Variants in DCBLD2 observed in about 807,000 individuals in gnomAD.
The protein encoded by DCBLD2 is discoidin, CUB and LCCL domain containing 2.
Under a neutral mutation model 86.8 loss-of-function variants are expected in DCBLD2, and 54 were observed. The observed-to-expected ratio is 0.62, with a 90% CI of 0.50 to 0.78. The LOEUF is 0.78. DCBLD2 is among the 30% of genes least tolerant of loss of function. The probability of loss-of-function intolerance (pLI) is 0.00; values close to 1 mark genes in which losing one functional copy is unlikely to be tolerated. For synonymous variants in DCBLD2, 354 were observed against 341.3 expected (o/e 1.04, Z -0.41); for missense variants, 908 against 954.2 (o/e 0.95, Z 0.64).
intron 12 of DCBLD2, among the ~76,000 whole-genome samples, chr3:98,809,305 C>T (rs1441298142): frequency 6.6e-6 from 1 of 150,592 alleles, no homozygotes; most frequent in Non-Finnish European, 1.5e-5. Context: ...GGCTCAGAGC[C>T]GGACACTGCA....
intron 1 of DCBLD2, among the ~76,000 whole-genome samples, chr3:98,900,045 G>C (rs1943820606): frequency 6.6e-6 from 1 of 152,150 alleles, no homozygotes; most frequent in Non-Finnish European, 1.5e-5. Flanking sequence ...ATATAGAAAC[G>C]TGTCTAGATG....
At chr3:98,887,265 G>A (rs1362248189) in intron 1 of DCBLD2, among the ~76,000 whole-genome samples, 1 of 151,736 alleles carries the variant, frequency 6.6e-6, no homozygotes, top group Admixed American at 6.6e-5. Flanking sequence ...TAATATATCT[G>A]CGAGATCTTA....
At position 98,808,117 on chromosome 3, in the gene DCBLD2, A is replaced by C. The variant is rs758552243; in HGVS notation, c.1634T>G (p.Ile545Ser). ...GTGCCAAGCACACACTAATATGAGA[A>C]TGAGAGTAGTGAGGACCATGACCAG... Reference protein sequence around the residue: ...PVLVMVLTTLILILVCAWHWR... With the variant: ...PVLVMVLTTLSLILVCAWHWR... The change falls in exon 13 of 16, where the codon ATT becomes AGT. Residue 545 changes from isoleucine (I) to serine (S), a missense_variant. Around this residue, in one of 3 missense-constraint regions of DCBLD2, gnomAD observed 606 missense variants for 678.5 expected, o/e 0.89. Coordinates refer to ENST00000326840, the MANE Select transcript of DCBLD2 (RefSeq NM_080927.4). 5.0e-6 allele frequency: 8 copies of C among 1,607,402 alleles called. No homozygotes were observed. In the South Asian group the frequency reaches 7.8e-5, roughly 16 times the overall value.
chr3:98,804,321 A>C lies in DCBLD2; in HGVS notation c.1671-2672T>G, dbSNP rs1041970746. On this transcript the variant is annotated intron_variant, in intron 13 of 15. Transcript: ENST00000326840. ...TTTATCCATTTCTTCTAGATTTTCT[A>C]GTTTATTTGCATAGAGGTGTTTGTA... Among the ~76,000 whole-genome samples the C allele has an allele frequency of 7.9e-5, 12 of 152,252 alleles. 1 individual carries two copies. The highest frequency in any genetic ancestry group is 2.9e-4 in the African/African-American group (12 of 41,550).
intron 3 of DCBLD2, among the ~76,000 whole-genome samples, chr3:98,847,366 G>A (rs1299343692): frequency 6.6e-6 from 1 of 152,180 alleles, no homozygotes; most frequent in Non-Finnish European, 1.5e-5. Flanking sequence ...CACTGACTAA[G>A]TTTTCCTGGT....
At chr3:98,818,115 A>G (rs1942056577) in intron 8 of DCBLD2, among the ~76,000 whole-genome samples, 1 of 152,216 alleles carries the variant, frequency 6.6e-6, no homozygotes, top group Admixed American at 6.5e-5. Context: ...TAAGTAAAGA[A>G]CTATTCTGTT....
intron 1 of DCBLD2, among the ~76,000 whole-genome samples, chr3:98,892,395 C>A (rs546276808): frequency 5.7e-4 from 87 of 152,194 alleles, no homozygotes; most frequent in South Asian, 2.3e-3. Context: ...AGGTGCTCTG[C>A]AGTTTCCCAA....
In DCBLD2 at chr3:98,798,139, A is replaced by C. The variant is rs1446478726; in HGVS notation, c.*1233T>G. ...AGGCATGAATATTCATTTGCTAGTA[A>C]GCTATAATGTCTGTTCCCTAGGTGA... On this transcript the variant is annotated 3_prime_UTR_variant, in exon 16 of 16. Coordinates refer to ENST00000326840, the MANE Select transcript of DCBLD2 (RefSeq NM_080927.4). The C allele has an allele frequency of 1.3e-5, 2 of 152,210 alleles. No individual in the cohort carries two copies. Among genetic ancestry groups the C allele is most frequent in the Non-Finnish European group, 2.9e-5 (2 of 68,040 alleles). 9.4% of individuals were successfully genotyped at this position (152,210 alleles called of 1,614,324 possible).
intron 1 of DCBLD2, among the ~76,000 whole-genome samples, chr3:98,885,931 A>T (rs1364696178): frequency 6.6e-6 from 1 of 151,670 alleles, no homozygotes; most frequent in Non-Finnish European, 1.5e-5. Flanking sequence ...AAGCTGCTAA[A>T]ACATCTTATC....
chr3:98,890,838 G>A lies in DCBLD2; in HGVS notation c.206-9071C>T, dbSNP rs142476506. Among the ~76,000 whole-genome samples the A allele has an allele frequency of 2.5e-3, 377 of 152,096 alleles. 7 individuals carry two copies. The highest frequency in any genetic ancestry group is 8.9e-3 in the African/African-American group (369 of 41,502). ...TTTCCCCACTCTGTATTCTATGTGGGCAATCTACTCCTTGACTTCAGTTGT... is the reference window on the plus strand; with the variant it reads ...TTTCCCCACTCTGTATTCTATGTGGACAATCTACTCCTTGACTTCAGTTGT... On this transcript the variant is annotated intron_variant, in intron 1 of 15. Coordinates refer to ENST00000326840, the MANE Select transcript of DCBLD2 (RefSeq NM_080927.4).
chr3:98,800,212 G>T (rs768934190), intron 15 of DCBLD2, among the ~76,000 whole-genome samples: 40 of 152,244 alleles, frequency 2.6e-4, no homozygotes, highest in Non-Finnish European at 5.0e-4. Flanking sequence ...TAATTTCAGA[G>T]ATTTTTTTCA....
chr3:98,827,796 C>T (rs1287764345), intron 3 of DCBLD2, among the ~76,000 whole-genome samples: 1 of 152,206 alleles, frequency 6.6e-6, no homozygotes, highest in Non-Finnish European at 1.5e-5. Context: ...GTCATTACTA[C>T]AATGCTCCCA....
chr3:98,886,807 CCCTT>C (rs1358176958), intron 1 of DCBLD2, among the ~76,000 whole-genome samples: 17 of 138,640 alleles, frequency 1.2e-4, no homozygotes, highest in Non-Finnish European at 1.1e-4. Flanking sequence ...AAAACCCCCC[CCCTT>C]TTTTTTTTTT....
intron 2 of DCBLD2, among the ~76,000 whole-genome samples, chr3:98,870,669 A>C (rs1943244853): frequency 6.6e-6 from 1 of 150,770 alleles, no homozygotes; most frequent in East Asian, 1.9e-4. Context: ...AGAGAGAGAG[A>C]GAGAGAGAGA....
intron 2 of DCBLD2, among the ~76,000 whole-genome samples, chr3:98,876,441 A>G (rs1943373151): frequency 1.6e-5 from 2 of 121,646 alleles, no homozygotes; most frequent in Non-Finnish European, 3.6e-5. Context: ...AAAAAAAAAA[A>G]AGGCCGTCAA....
intron 8 of DCBLD2, 47 bp from the exon 9 acceptor site, chr3:98,817,940 C>A: frequency 6.3e-7 from 1 of 1,598,672 alleles, no homozygotes; most frequent in South Asian, 1.1e-5. Context: ...GTCTGATTCC[C>A]TAAGTTTGTT....
rs984335740 is a variant in DCBLD2, at chr3:98,799,296, A to G, written c.*76T>C. On this transcript the variant is annotated 3_prime_UTR_variant, in exon 16 of 16. Transcript: ENST00000326840. ...GTGACAGTTATGTAATACATTCTAT[A>G]TATTACTACCACTAATAATTAAAAA... The G allele has an allele frequency of 2.2e-6, 3 of 1,350,734 alleles. No individual in the cohort carries two copies. The South Asian group carries it at 4.3e-5, about 19-fold the overall frequency. 83.7% of individuals were successfully genotyped at this position (1,350,734 alleles called of 1,614,324 possible).
At chr3:98,896,626 T>C (rs1943755502) in intron 1 of DCBLD2, among the ~76,000 whole-genome samples, 1 of 152,202 alleles carries the variant, frequency 6.6e-6, no homozygotes, top group Non-Finnish European at 1.5e-5. Context: ...TATAAGTCGA[T>C]GGATTAGAAG....
intron 3 of DCBLD2, among the ~76,000 whole-genome samples, chr3:98,847,744 CTT>C (rs1490587651): frequency 6.6e-6 from 1 of 152,122 alleles, no homozygotes; most frequent in Non-Finnish European, 1.5e-5. Context: ...TAAATGGTAA[CTT>C]AATTCAATGC....
Sources: allele counts gnomAD v4.1 joint callset (sites outside exome capture counted in the v4.1 genomes callset), GRCh38; gene constraint gnomAD v4.1.1; regional missense constraint gnomAD v4.1.1; transcripts MANE v1.5; gene names NCBI Gene and HGNC (gene_info 2026-07-23, HGNC 2026-07-21).